OSBPL10: variants seen among roughly 807,000 people sequenced by gnomAD.
The protein encoded by OSBPL10 is oxysterol-binding protein-related protein 10.
OSBPL10 carries 49 observed loss-of-function variants against 81.7 expected under a neutral mutation model. The observed-to-expected ratio is 0.60, with a 90% CI of 0.48 to 0.76. The LOEUF (loss-of-function observed/expected upper bound fraction) is 0.76. OSBPL10 is among the 30% of genes least tolerant of loss of function. The probability of loss-of-function intolerance (pLI) is 0.00; values close to 1 mark genes in which losing one functional copy is unlikely to be tolerated. For missense variants in OSBPL10, 923 were observed against 987.8 expected (o/e 0.93, Z 0.88); for synonymous variants, 419 against 383.6 (o/e 1.09, Z -1.08).
At chr3:32,023,890 C>T (rs146852765) in intron 2 of OSBPL10, among the ~76,000 whole-genome samples, 13 of 152,190 alleles carry the variant, frequency 8.5e-5, no homozygotes, top group Non-Finnish European at 1.5e-4. Flanking sequence ...CAGTAAGAGA[C>T]TAACAACAAT....
chr3:31,748,929 A>G (rs558562348), intron 4 of OSBPL10, among the ~76,000 whole-genome samples: 1 of 152,340 alleles, frequency 6.6e-6, no homozygotes, highest in Non-Finnish European at 1.5e-5. Context: ...CTCATGTTTT[A>G]TAACATCCCA....
chr3:32,071,929 G>C (rs1699832183), intron 1 of OSBPL10, among the ~76,000 whole-genome samples: 1 of 152,072 alleles, frequency 6.6e-6, no homozygotes, highest in African/African-American at 2.4e-5. Context: ...GATCACACCT[G>C]GTTTATTGAT....
chr3:31,802,104 C>A (rs1233140272), intron 4 of OSBPL10, among the ~76,000 whole-genome samples: 1 of 147,666 alleles, frequency 6.8e-6, no homozygotes, highest in East Asian at 2.0e-4. Context: ...ATTACAGGCA[C>A]GAGCCACTGC....
intron 6 of OSBPL10, among the ~76,000 whole-genome samples, chr3:31,708,479 G>A (rs547690363): frequency 3.3e-5 from 5 of 152,266 alleles, no homozygotes; most frequent in East Asian, 3.9e-4. Context: ...GATCCAGTCC[G>A]ACTCTGTATA....
chr3:31,808,434 C>T (rs1699575786), intron 4 of OSBPL10, among the ~76,000 whole-genome samples: 1 of 152,182 alleles, frequency 6.6e-6, no homozygotes, highest in South Asian at 2.1e-4. Flanking sequence ...ATAAATTACC[C>T]TGCTGTCTAA....
chr3:31,783,146 T>TATATATATATATATATATATATACACAC (rs1485968747), intron 4 of OSBPL10, among the ~76,000 whole-genome samples: 9 of 112,998 alleles, frequency 8.0e-5, no homozygotes, highest in Non-Finnish European at 1.6e-4. Flanking sequence ...TATATATATA[T>TATATATATATATATATATATATACACAC]ACACACACAC....
chr3:31,762,203 A>C (rs186790903), intron 4 of OSBPL10, among the ~76,000 whole-genome samples: 1 of 152,298 alleles, frequency 6.6e-6, no homozygotes, highest in Admixed American at 6.5e-5. Flanking sequence ...GTCTGGTTTT[A>C]ACCCAGCATT....
rs1472350138 is a variant in OSBPL10, at chr3:31,966,153, A to ATGTCTGTGTG, written c.281+14745_281+14746insCACACAGACA. Among the ~76,000 whole-genome samples, 605 of 134,890 alleles carry ATGTCTGTGTG rather than the reference A, an allele frequency of 4.5e-3. 8 individuals carry two copies. The highest frequency in any genetic ancestry group is 0.015 in the African/African-American group (556 of 36,628). The allele number at this position is 134,890 out of a possible 152,430, so 88.5% of individuals were successfully genotyped here. ...CTACTACAACAACAACAACAAAATTATGTGTGTGTGTGTGTGTGTGTGTGT... is the reference window on the plus strand; with the variant it reads ...CTACTACAACAACAACAACAAAATTATGTCTGTGTGTGTGTGTGTGTGTGTGTGTGTGTGT... On this transcript the variant is annotated intron_variant, in intron 1 of 11. Transcript: ENST00000396556.
intron 1 of OSBPL10, among the ~76,000 whole-genome samples, chr3:32,073,335 C>T (rs1412427428): frequency 1.3e-5 from 2 of 152,218 alleles, no homozygotes; most frequent in Non-Finnish European, 2.9e-5. Flanking sequence ...ACGATCAGTT[C>T]TTGTTAAGAA....
chr3:32,026,710 C>G lies in OSBPL10; in HGVS notation n.298+19781G>C, dbSNP rs139803568. On this transcript the variant is annotated intron_variant and non_coding_transcript_variant, in intron 2 of 3. Coordinates refer to the OSBPL10 transcript ENST00000479173. Reference sequence around the variant, plus strand: ...GAAATGACCGCCATACTAACGCTCTCTTTGTTTCAAAATAGCCCACACAGC... The same window carrying G: ...GAAATGACCGCCATACTAACGCTCTGTTTGTTTCAAAATAGCCCACACAGC... Among the ~76,000 whole-genome samples, 562 of 152,332 alleles carry G rather than the reference C, an allele frequency of 3.7e-3. 8 individuals carry two copies. The highest frequency in any genetic ancestry group is 0.012 in the African/African-American group (505 of 41,566).
At chr3:32,043,973 C>G (rs535218565) in intron 2 of OSBPL10, among the ~76,000 whole-genome samples, 3 of 149,478 alleles carry the variant, frequency 2.0e-5, no homozygotes, top group East Asian at 1.9e-4. Context: ...TGCTCACTAC[C>G]TATTGGGTAC....
intron 1 of OSBPL10, among the ~76,000 whole-genome samples, chr3:31,926,936 C>G (rs1559520911): frequency 1.3e-5 from 2 of 152,072 alleles, no homozygotes; most frequent in Non-Finnish European, 1.5e-5. Context: ...ATGGCGAAAC[C>G]CTGTCTCTAC....
chr3:32,020,896 C>T (rs960085037), intron 2 of OSBPL10, among the ~76,000 whole-genome samples: 1 of 152,142 alleles, frequency 6.6e-6, no homozygotes, highest in African/African-American at 2.4e-5. Flanking sequence ...CAACAAAACT[C>T]GTATTTTCTC....
chr3:32,026,084 TAGATAGATGATA>T lies in OSBPL10; in HGVS notation n.298+20395_298+20406del, dbSNP rs759993803. Among the ~76,000 whole-genome samples, 944 of 115,180 alleles carry T rather than the reference TAGATAGATGATA, an allele frequency of 8.2e-3. 17 individuals carry two copies. Among genetic ancestry groups the T allele is most frequent in the Admixed American group, 0.052 (560 of 10,684 alleles). The allele number at this position is 115,180 out of a possible 152,430, so 75.6% of individuals were successfully genotyped here. The stretch of plus-strand genomic sequence containing the variant: ...ATAGATAGATAGATAGATAGATAGA[TAGATAGATGATA>T]GATAGATAGAGATAGAGATAGAGAC... On this transcript the variant is annotated intron_variant and non_coding_transcript_variant, in intron 2 of 3. Coordinates refer to the OSBPL10 transcript ENST00000479173.
intron 1 of OSBPL10, among the ~76,000 whole-genome samples, chr3:31,965,451 ATATATAATT>A (rs1698304625): frequency 1.5e-5 from 1 of 68,254 alleles, no homozygotes; most frequent in South Asian, 4.6e-4. Flanking sequence ...ATATTATATA[ATATATAATT>A]TATATAATAT....
chr3:31,803,607 A>G (rs1699447883), intron 4 of OSBPL10, among the ~76,000 whole-genome samples: 1 of 152,240 alleles, frequency 6.6e-6, no homozygotes, highest in Admixed American at 6.5e-5. Flanking sequence ...TCAAATGAAG[A>G]AATTTATATG....
chr3:31,711,451 T>C (rs1267386233), intron 6 of OSBPL10, among the ~76,000 whole-genome samples: 1 of 152,234 alleles, frequency 6.6e-6, no homozygotes, highest in Non-Finnish European at 1.5e-5. Context: ...GGAGGAATCC[T>C]AGCTAACTGA....
intron 4 of OSBPL10, among the ~76,000 whole-genome samples, chr3:31,819,375 A>G (rs1346927157): frequency 1.3e-5 from 2 of 152,220 alleles, no homozygotes; most frequent in African/African-American, 4.8e-5. Context: ...TCATTCATCA[A>G]GGTAAGAAGT....
intron 5 of OSBPL10, among the ~76,000 whole-genome samples, chr3:31,747,519 G>A (rs181779818): frequency 7.0e-6 from 1 of 143,398 alleles, no homozygotes; most frequent in African/African-American, 2.6e-5. Context: ...AACACAGAAT[G>A]CTGAGTGCAA....
Sources: allele counts gnomAD v4.1 joint callset (sites outside exome capture counted in the v4.1 genomes callset), GRCh38; gene constraint gnomAD v4.1.1; transcripts MANE v1.5; gene names NCBI Gene and HGNC (gene_info 2026-07-23, HGNC 2026-07-21).